Variants in NCKAP5L observed in about 807,000 individuals in gnomAD.
The protein encoded by NCKAP5L is NCK associated protein 5 like, also known as nck-associated protein 5-like.
In NCKAP5L, 54 loss-of-function variants were observed where a neutral mutation model predicts 103.2. That is an observed-to-expected ratio of 0.52 (90% CI 0.42 to 0.66). NCKAP5L has a LOEUF of 0.66. Ranked by LOEUF, NCKAP5L falls within the 30% of genes least tolerant of loss-of-function variation. The pLI is 0.00. For missense variants in NCKAP5L, 1,733 were observed against 1,750.6 expected (o/e 0.99, Z 0.18); for synonymous variants, 762 against 748.6 (o/e 1.02, Z -0.29).
intron 5 of NCKAP5L, 81 bp from the exon 6 acceptor site, chr12:49,802,048 G>A: frequency 3.2e-6 from 5 of 1,544,742 alleles, no homozygotes; most frequent in Non-Finnish European, 3.5e-6. Flanking sequence ...CAGAGCAGCG[G>A]CATCTGTCTG....
intron 8 of NCKAP5L, 67 bp from the exon 9 acceptor site, chr12:49,793,963 C>T (rs553392282): frequency 1.2e-5 from 17 of 1,361,032 alleles, no homozygotes; most frequent in African/African-American, 7.4e-5. Flanking sequence ...GCCTTGCACC[C>T]GCCAATGGTG....
Position 49,795,083 on chromosome 12 carries a change from C to A in NCKAP5L, c.2777G>T (p.Ser926Ile). 6.2e-7 allele frequency: 1 copy of A among 1,612,774 alleles called. No homozygotes were observed. Among genetic ancestry groups the A allele is most frequent in the Non-Finnish European group, 8.5e-7 (1 of 1,179,572 alleles). The part of the protein sequence containing the change: ...SIASWFGLKK[S>I]KLPALNRRTE... ...GCGGCGGTTCAGCGCTGGCAGCTTGCTCTTCTTAAGGCCGAACCAGCTGGC... is the reference window on the plus strand; with the variant it reads ...GCGGCGGTTCAGCGCTGGCAGCTTGATCTTCTTAAGGCCGAACCAGCTGGC... The change falls in exon 8 of 13, where the codon AGC (serine) becomes ATC (isoleucine). Residue 926 changes from serine to isoleucine, a missense_variant. Transcript: ENST00000335999.
chr12:49,801,919 C>T lies in NCKAP5L; in HGVS notation c.280G>A (p.Glu94Lys), dbSNP rs1565590403. The part of the protein sequence containing the change: ...IKLKKRVFDL[E>K]RQNQMLSALF... ...GCACTCAGCATCTGGTTCTGCCGTT[C>T]CAGGTCAAACACTCTCTTCTTCAGC... is the stretch of plus-strand genomic sequence containing the variant. The change falls in exon 6 of 13, where the codon GAA (glutamate) becomes AAA (lysine). Residue 94 changes from glutamate (E) to lysine (K), a missense_variant. By Grantham distance (56) the Glu-to-Lys change is moderately conservative. Transcript: ENST00000335999. The T allele has an allele frequency of 1.2e-6, 2 of 1,613,852 alleles. No individual in the cohort carries two copies. Among genetic ancestry groups the T allele is most frequent in the Non-Finnish European group, 1.7e-6 (2 of 1,179,892 alleles).
chr12:49,793,474 C>A (rs376541244), intron 9 of NCKAP5L, 41 bp from the exon 10 acceptor site: 22 of 1,574,480 alleles, frequency 1.4e-5, no homozygotes, highest in African/African-American at 5.4e-5. Flanking sequence ...ACTCCTCCCC[C>A]CTCCACACCC....
Position 49,795,238 on chromosome 12 carries a change from A to G in NCKAP5L, c.2622T>C (p.Pro874=), listed in dbSNP as rs1946015536. The G allele has an allele frequency of 1.3e-6, 2 of 1,555,910 alleles. No individual in the cohort carries two copies. Among genetic ancestry groups the G allele is most frequent in the East Asian group, 2.3e-5 (1 of 44,418 alleles). The part of the protein sequence containing the change: ...VPGPTDPSQG[P]EGLAPHSAIE... Reference sequence around the variant, plus strand: ...TGGCTGAGTGTGGGGCCAGCCCCTCAGGGCCCTGACTTGGGTCAGTGGGGC... The same window carrying G: ...TGGCTGAGTGTGGGGCCAGCCCCTCGGGGCCCTGACTTGGGTCAGTGGGGC... The change falls in exon 8 of 13, where the codon CCT becomes CCC. Residue 874 remains proline, a synonymous_variant. Coordinates refer to ENST00000335999, the MANE Select transcript of NCKAP5L (RefSeq NM_001037806.4).
At chr12:49,802,905 G>T in intron 5 of NCKAP5L, 53 bp downstream of exon 5, 1 of 1,567,180 alleles carries the variant, frequency 6.4e-7, no homozygotes, top group South Asian at 1.2e-5. Context: ...TCTCCAGGAA[G>T]GGTCTCATCT....
At position 49,796,701 on chromosome 12, in the gene NCKAP5L, C is replaced by G. The variant is rs763111801; in HGVS notation, c.1159G>C (p.Glu387Gln). The change falls in exon 8 of 13, where the codon GAG becomes CAG. Residue 387 changes from glutamate to glutamine, a missense_variant. Transcript: ENST00000335999. ...PKSAWGGGTP[E>Q]AHRPGFGATS... ...GCACCGAAGCCTGGCCTGTGGGCCT[C>G]TGGGGTACCCCCACCCCAAGCTGAC... 1 of 1,598,530 alleles carries G rather than the reference C, an allele frequency of 6.3e-7. No homozygotes were observed. Among genetic ancestry groups the G allele is most frequent in the East Asian group, 2.2e-5 (1 of 44,698 alleles).
chr12:49,803,435 C>T (rs933985976), intron 3 of NCKAP5L, among the ~76,000 whole-genome samples: 1 of 152,250 alleles, frequency 6.6e-6, no homozygotes, highest in African/African-American at 2.4e-5. Flanking sequence ...GCCAAGTAGA[C>T]CTGAGGTGGG....
In NCKAP5L at chr12:49,792,769, C is replaced by T. The variant is rs1209906858; in HGVS notation, c.3558G>A (p.Leu1186=). 6.2e-7 allele frequency: 1 copy of T among 1,609,058 alleles called. No homozygotes were observed. The highest frequency in any genetic ancestry group is 2.2e-5 in the East Asian group (1 of 44,796). Residue 1186 remains leucine, a synonymous_variant, in exon 11 of 13, where the codon CTG becomes CTA. Coordinates refer to ENST00000335999, the MANE Select transcript of NCKAP5L (RefSeq NM_001037806.4). The surrounding 1 kb of genome is among the most constrained non-coding windows in gnomAD (Gnocchi z 4.5). The part of the protein sequence containing the change: ...LEREVPGIEE[L]LVSGRHPSMP... ...TGCTGGGGTGCCGCCCACTCACCAG[C>T]AGCTCCTCTATGCCTGGCACCTCCC...
intron 1 of NCKAP5L, among the ~76,000 whole-genome samples, chr12:49,824,321 C>A (rs556889294): frequency 6.6e-6 from 1 of 152,356 alleles, no homozygotes; most frequent in South Asian, 2.1e-4. Flanking sequence ...GCCACAGGCA[C>A]AGTCCATGAA....
In NCKAP5L at chr12:49,796,770, C is replaced by A; in HGVS notation, c.1090G>T (p.Asp364Tyr). 2 of 1,613,728 alleles carry A rather than the reference C, an allele frequency of 1.2e-6. No individual in the cohort carries two copies. Among genetic ancestry groups the A allele is most frequent in the South Asian group, 2.2e-5 (2 of 91,076 alleles). Residue 364 changes from aspartate (D) to tyrosine (Y), a missense_variant, in exon 8 of 13, where the codon GAC (aspartate) becomes TAC (tyrosine). By Grantham distance (160) the Asp-to-Tyr change is radical. Transcript: ENST00000335999. The part of the protein sequence containing the change: ...HPGPGQSSSP[D>Y]QAPPQLSKSK... ...TTAGACAGCTGTGGGGGCGCCTGGT[C>A]TGGGGAGGATGACTGCCCAGGACCT...
Position 49,796,473 on chromosome 12 carries a change from G to C in NCKAP5L, c.1387C>G (p.Pro463Ala), listed in dbSNP as rs765535474. ...ARGLKFLKLPPTSEKSPSPGG... is the reference protein window; with the variant it reads ...ARGLKFLKLPATSEKSPSPGG... ...GGGCTGGGGCTCTTCTCCGAGGTTG[G>C]AGGCAGCTTTAGAAACTTGAGACCC... Residue 463 changes from proline (P) to alanine (A), a missense_variant, in exon 8 of 13, where the codon CCA (proline) becomes GCA (alanine). Pro to Ala is a conservative substitution (Grantham distance 27, BLOSUM62 -1). Transcript: ENST00000335999. 6.5e-7 allele frequency: 1 copy of C among 1,532,870 alleles called. No individual in the cohort carries two copies. The highest frequency in any genetic ancestry group is 2.1e-5 in the Admixed American group (1 of 47,792). The allele number at this position is 1,532,870 out of a possible 1,614,324, so 95.0% of individuals were successfully genotyped here. A position where few individuals can be genotyped will look rare whatever the true frequency, so the allele number is the denominator to read the frequency against.
intron 1 of NCKAP5L, among the ~76,000 whole-genome samples, chr12:49,808,904 CTT>C (rs1946209644): frequency 6.6e-6 from 1 of 152,168 alleles, no homozygotes; most frequent in Admixed American, 6.5e-5. Flanking sequence ...GGAACTCTAA[CTT>C]GAACTGGAGG....
At chr12:49,826,269 A>T (rs1946415634) in intron 1 of NCKAP5L, among the ~76,000 whole-genome samples, 1 of 152,070 alleles carries the variant, frequency 6.6e-6, no homozygotes, top group African/African-American at 2.4e-5. Context: ...AACAGCTGAG[A>T]CGTAAACTGT....
intron 6 of NCKAP5L, among the ~76,000 whole-genome samples, chr12:49,800,669 A>G (rs186071316): frequency 2.6e-3 from 391 of 152,338 alleles, no homozygotes; most frequent in Non-Finnish European, 3.8e-3. Context: ...AATTTGCCCC[A>G]GGTCACACAG....
intron 1 of NCKAP5L, among the ~76,000 whole-genome samples, chr12:49,806,468 C>T (rs935604845): frequency 3.3e-5 from 5 of 152,344 alleles, no homozygotes; most frequent in African/African-American, 4.8e-5. Context: ...GATGAGGAAA[C>T]CGAGGAACAG....
intron 8 of NCKAP5L, among the ~76,000 whole-genome samples, 160 bp downstream of exon 8, chr12:49,794,605 A>ACCG (rs1197202590): frequency 1.4e-4 from 16 of 116,138 alleles, no homozygotes; most frequent in Admixed American, 8.1e-4. Flanking sequence ...CAAGTCACTG[A>ACCG]CCCCCCCACC....
rs143667363 is a variant in NCKAP5L at position 49,795,694 on chromosome 12, C to T, written c.2166G>A (p.Lys722=). 5.0e-5 allele frequency: 80 copies of T among 1,612,234 alleles called. 1 individual carries two copies. The African/African-American group carries it at 9.1e-4, about 18-fold the overall frequency. ...AGGCCACTGCCCCCCGTATCCCCCC[C>T]TTGGCTTCTAGCTGCTCCAGTGGCC... ...IHRPLEQLEA[K]GGIRGAVALG... is the part of the protein sequence containing the mutation. The change falls in exon 8 of 13, where the codon AAG becomes AAA. Residue 722 remains lysine (K), a synonymous_variant. Transcript: ENST00000335999.
intron 3 of NCKAP5L, among the ~76,000 whole-genome samples, chr12:49,803,406 G>A (rs1039922478): frequency 2.4e-4 from 36 of 152,178 alleles, no homozygotes; most frequent in African/African-American, 8.7e-4. Flanking sequence ...TGGCAATGGG[G>A]GCTCTGGGGG....
Sources: gnomAD v4.1 joint callset for allele counts (sites outside exome capture counted in the v4.1 genomes callset) on GRCh38, gnomAD v4.1.1 for gene constraint, Gnocchi (gnomAD v3.1) non-coding constraint, MANE v1.5 for transcripts, NCBI Gene and HGNC (gene_info 2026-07-23, HGNC 2026-07-21) for gene names.